TTN: variants seen among roughly 807,000 people sequenced by gnomAD.
The protein encoded by TTN is connectin.
Under a neutral mutation model 3,223.0 loss-of-function variants are expected in TTN, and 1,525 were observed. That is an observed-to-expected ratio of 0.47 (90% confidence interval 0.45 to 0.49). The LOEUF (loss-of-function observed/expected upper bound fraction) is 0.49. Ranked by LOEUF, TTN falls within the 20% of genes least tolerant of loss-of-function variation. The pLI is 0.00. For missense variants in TTN, 40,786 were observed against 43,424.0 expected (o/e 0.94, Z 5.40); for synonymous variants, 14,094 against 15,161.0 (o/e 0.93, Z 5.17).
chr2:178,682,057 G>T (rs1460504050), intron 135 of TTN, among the ~76,000 whole-genome samples: 1 of 151,768 alleles, frequency 6.6e-6, no homozygotes, highest in Admixed American at 6.6e-5. Flanking sequence ...TCAAAGTTGG[G>T]CTATGAAACA....
At chr2:178,744,892 G>A in intron 47 of TTN, 5 of 985,156 alleles carry the variant, frequency 5.1e-6, no homozygotes, top group Non-Finnish European at 6.0e-6. Flanking sequence ...AAATGTCTAG[G>A]TGAACCCTGC....
chr2:178,740,530 A>T lies in TTN; in HGVS notation c.12703T>A (p.Ser4235Thr). Residue 4235 changes from serine to threonine, a missense_variant, in exon 48 of 363, where the codon TCA becomes ACA. Coordinates refer to ENST00000589042, the MANE Select transcript of TTN (RefSeq NM_001267550.2). Reference protein sequence around the residue: ...YLTSVAEEVLSPKEKTVSDTN... With the variant: ...YLTSVAEEVLTPKEKTVSDTN... Reference sequence around the variant, plus strand: ...TCAGATACTGTCTTTTCTTTTGGTGAAAGTACTTCCTCAGCCACAGAGGTT... The same window carrying T: ...TCAGATACTGTCTTTTCTTTTGGTGTAAGTACTTCCTCAGCCACAGAGGTT... 3 of 1,613,792 alleles carry T rather than the reference A, an allele frequency of 1.9e-6. No individual in the cohort carries two copies. The highest frequency in any genetic ancestry group is 2.5e-6 in the Non-Finnish European group (3 of 1,179,818).
chr2:178,789,367 T>C lies in TTN; in HGVS notation c.2069A>G (p.His690Arg), dbSNP rs769168188. The C allele has an allele frequency of 2.1e-5, 34 of 1,613,200 alleles. No individual in the cohort carries two copies. Among genetic ancestry groups the C allele is most frequent in the Non-Finnish European group, 2.9e-5 (34 of 1,179,378 alleles). The change falls in exon 13 of 363, where the codon CAT becomes CGT. Residue 690 changes from histidine (H) to arginine (R), a missense_variant. By Grantham distance (29) the His-to-Arg change is conservative. Coordinates refer to ENST00000589042, the MANE Select transcript of TTN (RefSeq NM_001267550.2). Reference sequence around the variant, plus strand: ...TGGAACAACAATAGTCACCTTTCCATGGGTAACTTGGATTTGTTCTTGTCT... The same window carrying C: ...TGGAACAACAATAGTCACCTTTCCACGGGTAACTTGGATTTGTTCTTGTCT... ...ATRQEQIQVT[H>R]GKVDVGKKAE...
rs397517729 is a variant in TTN at position 178,561,579 on chromosome 2, G to A, written c.84553C>T (p.Arg28185Ter). ...WQVPVNDGGS[R>*]VIGYHLEYKE... ...TACTCAAGATGATAGCCAATTACTCGACTTCCTCCATCATTAACTGGCACT... is the reference window on the plus strand; with the variant it reads ...TACTCAAGATGATAGCCAATTACTCAACTTCCTCCATCATTAACTGGCACT... Residue 28185 changes from arginine (R) to a stop codon, truncating the protein, a stop_gained, in exon 326 of 363, where the codon CGA becomes TGA. Coordinates refer to ENST00000589042, the MANE Select transcript of TTN (RefSeq NM_001267550.2). LOFTEE classifies it high-confidence loss of function. 6.2e-7 allele frequency: 1 copy of A among 1,613,114 alleles called. No individual in the cohort carries two copies. The highest frequency in any genetic ancestry group is 1.7e-4 in the Middle Eastern group (1 of 6,052).
intron 2 of TTN, among the ~76,000 whole-genome samples, chr2:178,802,824 C>T (rs2094134456): frequency 6.6e-6 from 1 of 152,250 alleles, no homozygotes; most frequent in Admixed American, 6.5e-5. Context: ...CTCCTCCCTC[C>T]TCTGTGGTTA....
intron 147 of TTN, among the ~76,000 whole-genome samples, chr2:178,676,369 T>G (rs1239672317): frequency 6.6e-6 from 1 of 151,930 alleles, no homozygotes; most frequent in East Asian, 1.9e-4. Context: ...AGATCAGCTT[T>G]ACTATTTCAT....
Position 178,698,920 on chromosome 2 carries a change from A to AC in TTN, c.30683-7_30683-6insG. ...CTTCACAGCCTTTTTGGTAACTAAA[A>AC]AAAAAAAAAAAGAAAAAAAAAGAAA... On this transcript the variant is annotated splice_polypyrimidine_tract_variant and splice_region_variant and intron_variant, in intron 111 of 362. Transcript: ENST00000589042. 6.8e-7 allele frequency: 1 copy of AC among 1,464,764 alleles called. No homozygotes were observed. Among genetic ancestry groups the AC allele is most frequent in the Non-Finnish European group, 9.1e-7 (1 of 1,104,498 alleles). 90.7% of individuals were successfully genotyped at this position (1,464,764 alleles called of 1,614,324 possible).
rs375667028 is a variant in TTN, at chr2:178,560,363, C to T, written c.85769G>A (p.Arg28590Gln). The change falls in exon 326 of 363, where the codon CGA (arginine) becomes CAA (glutamine). Residue 28590 changes from arginine (R) to glutamine (Q), a missense_variant. Arg to Gln is a conservative substitution (Grantham distance 43). Coordinates refer to ENST00000589042, the MANE Select transcript of TTN (RefSeq NM_001267550.2). ...CACCCATCTTAGGCTATTTTTCTCT[C>T]GCCTTTCAATTATATATCCAGATAT... ...SEISGYIIER[R>Q]EKNSLRWVRV... The T allele has an allele frequency of 9.0e-5, 146 of 1,613,542 alleles. No individual in the cohort carries two copies. The highest frequency in any genetic ancestry group is 8.8e-5 in the South Asian group (8 of 91,062).
intron 112 of TTN, among the ~76,000 whole-genome samples, chr2:178,698,177 G>C (rs1325314801): frequency 6.6e-6 from 1 of 152,190 alleles, no homozygotes; most frequent in African/African-American, 2.4e-5. Context: ...CTTAGATGTG[G>C]AACTAAAAAA....
In TTN at chr2:178,777,200, A is replaced by G. The variant is rs1561301529; in HGVS notation, c.4763T>C (p.Val1588Ala). 6.2e-7 allele frequency: 1 copy of G among 1,614,130 alleles called. No individual in the cohort carries two copies. Residue 1588 changes from valine (V) to alanine (A), a missense_variant, in exon 27 of 363, where the codon GTA becomes GCA. Val to Ala is a moderately conservative substitution (Grantham distance 64, BLOSUM62 0). Coordinates refer to ENST00000589042, the MANE Select transcript of TTN (RefSeq NM_001267550.2). ...AATGATGTCACTGTTTTTCAACCAT[A>G]CAATGTCAGGGTTGGGGTTACCCGT... ...RATGNPNPDIVWLKNSDIIVP... is the reference protein window; with the variant it reads ...RATGNPNPDIAWLKNSDIIVP...
chr2:178,665,298 G>T lies in TTN; in HGVS notation c.36043+79C>A, dbSNP rs1292373241. 3.9e-6 allele frequency: 5 copies of T among 1,266,422 alleles called. No homozygotes were observed. The African/African-American group carries it at 6.0e-5, about 15-fold the overall frequency. The allele number at this position is 1,266,422 out of a possible 1,614,324, so 78.4% of individuals were successfully genotyped here. Reference sequence around the variant, plus strand: ...TATGTTTATATTTAGAATTTATGAAGAGTATTAGGAAGAAACCATAGTTTT... The same window carrying T: ...TATGTTTATATTTAGAATTTATGAATAGTATTAGGAAGAAACCATAGTTTT... On this transcript the variant is annotated intron_variant, in intron 165 of 362. Transcript: ENST00000589042.
At position 178,727,841 on chromosome 2, in the gene TTN, T is replaced by A; in HGVS notation, c.19737A>T (p.Lys6579Asn). The A allele has an allele frequency of 1.3e-6, 2 of 1,595,642 alleles. No individual in the cohort carries two copies. Among genetic ancestry groups the A allele is most frequent in the Non-Finnish European group, 1.7e-6 (2 of 1,171,440 alleles). ...TVKEPPSFLV[K>N]PGRQQAIPDS... is the part of the protein sequence containing the mutation. ...CAGGTATGGCTTGCTGTCGCCCAGG[T>A]TTCACTAGGAAGCTTGGTGGTTCTA... The change falls in exon 68 of 363, where the codon AAA (lysine) becomes AAT (asparagine). Residue 6579 changes from lysine (K) to asparagine (N), a missense_variant. Physicochemically the swap from Lys to Asn is moderately conservative, Grantham distance 94. Coordinates refer to ENST00000589042, the MANE Select transcript of TTN (RefSeq NM_001267550.2).
chr2:178,726,300 A>G, intron 69 of TTN: 1 of 334,102 alleles, frequency 3.0e-6, no homozygotes. Context: ...ACTACACCTT[A>G]CTGATGTATC....
Position 178,764,508 on chromosome 2 carries a change from A to C in TTN, c.9988+19T>G. 6.2e-7 allele frequency: 1 copy of C among 1,613,850 alleles called. No homozygotes were observed. The highest frequency in any genetic ancestry group is 8.5e-7 in the Non-Finnish European group (1 of 1,179,892). ...TTCTTAGGTTTTATTTTCAGCTGGA[A>C]GTAGCGAGGCATTCCTACCTTCCAC... On this transcript the variant is annotated intron_variant, in intron 42 of 362. Coordinates refer to ENST00000589042, the MANE Select transcript of TTN (RefSeq NM_001267550.2).
chr2:178,668,253 CAAAT>C (rs1298264772), intron 159 of TTN, among the ~76,000 whole-genome samples: 1 of 151,830 alleles, frequency 6.6e-6, no homozygotes, highest in Admixed American at 6.6e-5. Flanking sequence ...GAAAATAAGG[CAAAT>C]AAAGACAACA....
Position 178,532,678 on chromosome 2 carries a change from A to G in TTN, c.103937T>C (p.Phe34646Ser). 6.2e-7 allele frequency: 1 copy of G among 1,613,930 alleles called. No individual in the cohort carries two copies. The highest frequency in any genetic ancestry group is 1.1e-5 in the South Asian group (1 of 91,078). Reference sequence around the variant, plus strand: ...AGAACGTCTTCTAGGTCGGTAGTAAAAGTCATAATCAGGAGAAGGTGTACG... The same window carrying G: ...AGAACGTCTTCTAGGTCGGTAGTAAGAGTCATAATCAGGAGAAGGTGTACG... ...RRRTPSPDYD[F>S]YYRPRRRSLG... Residue 34646 changes from phenylalanine to serine, a missense_variant, in exon 358 of 363, where the codon TTT (phenylalanine) becomes TCT (serine). Physicochemically the swap from Phe to Ser is radical, Grantham distance 155. Coordinates refer to ENST00000589042, the MANE Select transcript of TTN (RefSeq NM_001267550.2).
Position 178,607,688 on chromosome 2 carries a change from G to T in TTN, c.53003-3C>A. ...ATCCAGTTCCACAGCTGGAGGCTCT[G>T]TTGAAAGAGAACAGTCATGCATTAG... On this transcript the variant is annotated splice_polypyrimidine_tract_variant and splice_region_variant and intron_variant, in intron 276 of 362. Transcript: ENST00000589042. 1 of 1,612,766 alleles carries T rather than the reference G, an allele frequency of 6.2e-7. No individual in the cohort carries two copies. Among genetic ancestry groups the T allele is most frequent in the Non-Finnish European group, 8.5e-7 (1 of 1,179,308 alleles).
In TTN at chr2:178,543,219, C is replaced by A. The variant is rs766999420; in HGVS notation, c.96754G>T (p.Val32252Phe). ...CKAGTERWMK[V>F]VTLKPTVLEH... ...AGGACTGTGGGTTTTAAGGTGACAA[C>A]CTTCATCCATCTCTCTGTGCCAGCT... Residue 32252 changes from valine (V) to phenylalanine (F), a missense_variant, in exon 347 of 363, where the codon GTT becomes TTT. Transcript: ENST00000589042. The A allele has an allele frequency of 1.9e-6, 3 of 1,613,638 alleles. No individual in the cohort carries two copies. Among genetic ancestry groups the A allele is most frequent in the South Asian group, 2.2e-5 (2 of 91,066 alleles).
Position 178,610,942 on chromosome 2 carries a change from A to G in TTN, c.51136+51T>C, listed in dbSNP as rs574490577. ...TATTAATAGCACTGCAAAGTTAACT[A>G]ATTTCCTCTACATGTGAAGAATGTC... is the stretch of plus-strand genomic sequence containing the variant. On this transcript the variant is annotated intron_variant, in intron 270 of 362. Coordinates refer to ENST00000589042, the MANE Select transcript of TTN (RefSeq NM_001267550.2). The G allele has an allele frequency of 1.8e-5, 28 of 1,599,282 alleles. No homozygotes were observed. The Admixed American group carries it at 3.5e-4, about 20-fold the overall frequency.
Sources: gnomAD v4.1 joint callset for allele counts (sites outside exome capture counted in the v4.1 genomes callset) on GRCh38, gnomAD v4.1.1 for gene constraint, MANE v1.5 for transcripts, NCBI Gene and HGNC (gene_info 2026-07-23, HGNC 2026-07-21) for gene names.